CNTNAP2: variants seen among roughly 807,000 people sequenced by gnomAD.
The protein encoded by CNTNAP2 is contactin associated protein 2.
In CNTNAP2, 98 loss-of-function variants were observed where a neutral mutation model predicts 155.2. The observed-to-expected ratio is 0.63, with a 90% confidence interval of 0.54 to 0.75. The LOEUF (loss-of-function observed/expected upper bound fraction) is 0.75, where lower values mean the gene tolerates loss of function less well. CNTNAP2 is among the 30% of genes least tolerant of loss of function. CNTNAP2 has a pLI of 0.00. For missense variants in CNTNAP2, 1,727 were observed against 1,688.1 expected, an observed-to-expected ratio of 1.02 and a Z score of -0.40; for synonymous variants, 651 against 631.2, an observed-to-expected ratio of 1.03 and a Z score of -0.47.
intron 13 of CNTNAP2, among the ~76,000 whole-genome samples, chr7:147,735,187 A>T (rs7455845): frequency 6.6e-6 from 1 of 151,942 alleles, no homozygotes; most frequent in East Asian, 1.9e-4. Context: ...CTACACACTG[A>T]TTTAAATGTG....
At chr7:147,172,679 A>G (rs1802257121) in intron 8 of CNTNAP2, among the ~76,000 whole-genome samples, 1 of 152,154 alleles carries the variant, frequency 6.6e-6, no homozygotes. Flanking sequence ...AAAGCCATCA[A>G]GATTTTTCAG....
At chr7:146,848,191 A>G (rs77737819) in intron 3 of CNTNAP2, among the ~76,000 whole-genome samples, 1,566 of 152,268 alleles carry the variant, frequency 0.01, 26 homozygotes, top group African/African-American at 0.034. Context: ...CTCACAAGTG[A>G]TTCATATATA....
rs142879716 is a variant in CNTNAP2, at chr7:147,991,150, C to G, written c.2383+13161C>G. Among the ~76,000 whole-genome samples the G allele has an allele frequency of 1.8e-3, 279 of 152,224 alleles. 1 individual carries two copies. Among genetic ancestry groups the G allele is most frequent in the African/African-American group, 6.3e-3 (260 of 41,534 alleles). ...CCTGGGACAAAGACCAAATTAATGA[C>G]CTGTTATGAGTCAATCTCTTTTCTC... is the stretch of plus-strand genomic sequence containing the variant. On this transcript the variant is annotated intron_variant, in intron 15 of 23. Coordinates refer to ENST00000361727, the MANE Select transcript of CNTNAP2 (RefSeq NM_014141.6).
At chr7:148,274,378 T>C (rs1053867940) in intron 21 of CNTNAP2, among the ~76,000 whole-genome samples, 1 of 151,980 alleles carries the variant, frequency 6.6e-6, no homozygotes, top group African/African-American at 2.4e-5. Context: ...CACCCTTGGG[T>C]TTGATCTCTG....
chr7:148,218,737 AAC>A (rs1276623842), intron 19 of CNTNAP2, among the ~76,000 whole-genome samples: 1 of 151,956 alleles, frequency 6.6e-6, no homozygotes, highest in African/African-American at 2.4e-5. Context: ...TTGGTCGTCA[AAC>A]ACACATTAAG....
intron 3 of CNTNAP2, among the ~76,000 whole-genome samples, chr7:147,042,312 C>T (rs1799275518): frequency 6.6e-6 from 1 of 152,118 alleles, no homozygotes; most frequent in Non-Finnish European, 1.5e-5. Flanking sequence ...AAATATTATC[C>T]ATTATGTGGA....
At chr7:147,235,541 C>T (rs1014451202) in intron 8 of CNTNAP2, among the ~76,000 whole-genome samples, 8 of 152,084 alleles carry the variant, frequency 5.3e-5, no homozygotes, top group African/African-American at 1.9e-4. Context: ...AATGCCTTCT[C>T]CTAATCAGAT....
chr7:146,972,343 A>T (rs902408305), intron 3 of CNTNAP2, among the ~76,000 whole-genome samples: 1 of 152,188 alleles, frequency 6.6e-6, no homozygotes, highest in Non-Finnish European at 1.5e-5. Flanking sequence ...AATTAAAATC[A>T]ATACAGAGGA....
intron 10 of CNTNAP2, among the ~76,000 whole-genome samples, chr7:147,450,093 G>A (rs1313330638): frequency 2.0e-5 from 3 of 152,170 alleles, no homozygotes; most frequent in Non-Finnish European, 4.4e-5. Flanking sequence ...TCATGTTATA[G>A]TATATGGCAC....
chr7:146,737,282 G>A (rs1321336301), intron 1 of CNTNAP2, among the ~76,000 whole-genome samples: 1 of 151,980 alleles, frequency 6.6e-6, no homozygotes, highest in Admixed American at 6.6e-5. Context: ...CTTTTTTGTA[G>A]TGAGAAAACT....
chr7:146,308,413 A>G (rs955353424), intron 1 of CNTNAP2, among the ~76,000 whole-genome samples: 3 of 152,206 alleles, frequency 2.0e-5, no homozygotes, highest in African/African-American at 7.2e-5. Flanking sequence ...TGTGGAAGAC[A>G]GTGTGGCGAT....
At chr7:148,406,740 T>C (rs1429430335) in intron 22 of CNTNAP2, among the ~76,000 whole-genome samples, 1 of 152,196 alleles carries the variant, frequency 6.6e-6, no homozygotes, top group Non-Finnish European at 1.5e-5. Flanking sequence ...TCCTGAAAAA[T>C]AGCTTTTGGT....
intron 15 of CNTNAP2, among the ~76,000 whole-genome samples, chr7:148,033,682 G>A (rs1307504687): frequency 1.3e-5 from 2 of 152,138 alleles, no homozygotes; most frequent in African/African-American, 4.8e-5. Context: ...TTAGAATTGA[G>A]CATTAACATG....
intron 13 of CNTNAP2, among the ~76,000 whole-genome samples, chr7:147,863,135 G>A (rs1308734491): frequency 6.6e-6 from 1 of 152,044 alleles, no homozygotes; most frequent in Admixed American, 6.6e-5. Flanking sequence ...CTGTGTCCAA[G>A]TGTTCTCATT....
At position 146,638,045 on chromosome 7, in the gene CNTNAP2, T is replaced by C. The variant is rs191417910; in HGVS notation, c.98-136226T>C. On this transcript the variant is annotated intron_variant, in intron 1 of 23. Coordinates refer to ENST00000361727, the MANE Select transcript of CNTNAP2 (RefSeq NM_014141.6). Reference sequence around the variant, plus strand: ...ACCTGTTGCAGTAACCCATGCTGTGTAGGCAGGTTCTATGACAATTCAAAT... The same window carrying C: ...ACCTGTTGCAGTAACCCATGCTGTGCAGGCAGGTTCTATGACAATTCAAAT... 6.2e-3 allele frequency among the ~76,000 whole-genome samples: 937 copies of C among 152,340 alleles called. 6 individuals are homozygous for C. The highest frequency in any genetic ancestry group is 0.02 in the Middle Eastern group (6 of 294).
intron 19 of CNTNAP2, among the ~76,000 whole-genome samples, chr7:148,219,560 G>A (rs1190277945): frequency 2.0e-5 from 3 of 152,220 alleles, no homozygotes; most frequent in Non-Finnish European, 4.4e-5. Context: ...AACTGGGCAT[G>A]AAGGTGCACA....
At chr7:147,182,234 C>A (rs2087732956) in intron 8 of CNTNAP2, among the ~76,000 whole-genome samples, 1 of 151,824 alleles carries the variant, frequency 6.6e-6, no homozygotes, top group African/African-American at 2.4e-5. Flanking sequence ...AATTAACCAG[C>A]TTTGCACAGC....
At chr7:147,474,412 T>C (rs951278563) in intron 10 of CNTNAP2, among the ~76,000 whole-genome samples, 1 of 152,114 alleles carries the variant, frequency 6.6e-6, no homozygotes, top group South Asian at 2.1e-4. Context: ...CTGGCCAACA[T>C]GGTGAAACCC....
At chr7:146,591,377 A>G (rs185920113) in intron 1 of CNTNAP2, among the ~76,000 whole-genome samples, 4 of 152,378 alleles carry the variant, frequency 2.6e-5, no homozygotes, top group Non-Finnish European at 5.9e-5. Context: ...TGGTTGTGAC[A>G]TTTAAAGGGT....
Sources: allele counts gnomAD v4.1 joint callset (sites outside exome capture counted in the v4.1 genomes callset), GRCh38; gene constraint gnomAD v4.1.1; transcripts MANE v1.5; gene names NCBI Gene and HGNC (gene_info 2026-07-23, HGNC 2026-07-21).